The following MNAT1 variants were observed in gnomAD, a reference collection of about 807,000 sequenced individuals.
MNAT1 encodes the protein CDK-activating kinase assembly factor MAT1.
In MNAT1, 43 loss-of-function variants were observed where a neutral mutation model predicts 42.0. The observed-to-expected ratio is 1.02, with a 90% CI of 0.80 to 1.32. The LOEUF is 1.32. MNAT1 is among the 40% of genes most tolerant of loss of function. The pLI, the probability that MNAT1 is intolerant of heterozygous loss-of-function variation, is 0.00. For synonymous variants in MNAT1, 118 were observed against 120.0 expected (o/e 0.98, Z 0.11); for missense variants, 306 against 350.4 (o/e 0.87, Z 1.01).
chr14:60,959,821 C>T (rs1456220406), intron 7 of MNAT1, among the ~76,000 whole-genome samples: 1 of 151,842 alleles, frequency 6.6e-6, no homozygotes, highest in Non-Finnish European at 1.5e-5. Flanking sequence ...TTCTTTATAG[C>T]TTTGTCATAT....
chr14:60,836,187 C>G (rs2033384703), intron 6 of MNAT1, among the ~76,000 whole-genome samples: 1 of 152,112 alleles, frequency 6.6e-6, no homozygotes, highest in Admixed American at 6.5e-5. Context: ...TATCATGCTC[C>G]TTTAGCTCAG....
chr14:60,936,229 G>A (rs936282446), intron 7 of MNAT1, among the ~76,000 whole-genome samples: 4 of 152,028 alleles, frequency 2.6e-5, no homozygotes, highest in African/African-American at 9.7e-5. Context: ...TTTTGTGTGT[G>A]TGCATTTTTT....
intron 4 of MNAT1, among the ~76,000 whole-genome samples, chr14:60,810,981 GCTGT>G (rs1284224159): frequency 1.3e-5 from 2 of 152,064 alleles, no homozygotes; most frequent in Non-Finnish European, 2.9e-5. Context: ...TTACTATATT[GCTGT>G]CTATCTCTCC....
chr14:60,777,631 G>A (rs986575846), intron 1 of MNAT1, among the ~76,000 whole-genome samples: 1 of 151,462 alleles, frequency 6.6e-6, no homozygotes, highest in African/African-American at 2.4e-5. Flanking sequence ...TTTTTGCTTA[G>A]TCCCCCCATT....
chr14:60,843,522 G>A (rs562771420), intron 6 of MNAT1, among the ~76,000 whole-genome samples: 13 of 152,014 alleles, frequency 8.6e-5, no homozygotes, highest in African/African-American at 2.9e-4. Flanking sequence ...CGCCTGTCTC[G>A]GCCTCCCAAA....
chr14:60,818,882 T>C, intron 6 of MNAT1, 35 bp downstream of exon 6: 1 of 1,600,052 alleles, frequency 6.2e-7, no homozygotes, highest in South Asian at 1.1e-5. Flanking sequence ...TTGAAAGATA[T>C]TTTTTCAAGG....
At chr14:60,879,027 C>T (rs796342393) in intron 6 of MNAT1, among the ~76,000 whole-genome samples, 16 of 152,052 alleles carry the variant, frequency 1.1e-4, no homozygotes, top group African/African-American at 3.9e-4. Flanking sequence ...TCAATTAGGG[C>T]ATGAACAAGT....
At chr14:60,904,118 G>A (rs1251219482) in intron 7 of MNAT1, among the ~76,000 whole-genome samples, 2 of 152,104 alleles carry the variant, frequency 1.3e-5, no homozygotes, top group African/African-American at 4.8e-5. Flanking sequence ...TGATCCACCC[G>A]CCTTGGCCTC....
intron 6 of MNAT1, among the ~76,000 whole-genome samples, chr14:60,838,780 C>G (rs2033466886): frequency 6.6e-6 from 1 of 152,106 alleles, no homozygotes; most frequent in African/African-American, 2.4e-5. Flanking sequence ...CCCCACTGCC[C>G]CTCCAGGCTT....
chr14:60,923,272 G>A (rs1209529159), intron 7 of MNAT1, among the ~76,000 whole-genome samples: 1 of 152,198 alleles, frequency 6.6e-6, no homozygotes, highest in Non-Finnish European at 1.5e-5. Context: ...AGTAGGGCTA[G>A]AGTGAGACCC....
intron 1 of MNAT1, among the ~76,000 whole-genome samples, chr14:60,772,620 G>T (rs548039392): frequency 6.6e-6 from 1 of 151,140 alleles, no homozygotes; most frequent in African/African-American, 2.4e-5. Context: ...GCCAATTCTT[G>T]GCTTTCCAAA....
intron 7 of MNAT1, among the ~76,000 whole-genome samples, chr14:60,880,803 T>C (rs919009839): frequency 6.6e-6 from 1 of 152,176 alleles, no homozygotes; most frequent in East Asian, 1.9e-4. Flanking sequence ...CTTTATTCTC[T>C]TAAAGTCCTA....
chr14:60,779,277 G>C (rs1246282774), intron 1 of MNAT1, among the ~76,000 whole-genome samples: 1 of 152,122 alleles, frequency 6.6e-6, no homozygotes, highest in Non-Finnish European at 1.5e-5. Flanking sequence ...GCCTAAAAAG[G>C]GCATGGTAAC....
At chr14:60,770,070 A>T (rs187956540) in intron 1 of MNAT1, among the ~76,000 whole-genome samples, 112 of 152,280 alleles carry the variant, frequency 7.4e-4, no homozygotes, top group Admixed American at 2.0e-3. Flanking sequence ...CTGAAATTCT[A>T]TACCCATTAA....
chr14:60,762,423 T>C (rs2030639100), intron 1 of MNAT1, among the ~76,000 whole-genome samples: 1 of 152,072 alleles, frequency 6.6e-6, no homozygotes. Context: ...CTCACACCTG[T>C]AATCCCAGCA....
intron 6 of MNAT1, among the ~76,000 whole-genome samples, chr14:60,836,696 C>G (rs543622388): frequency 3.8e-4 from 58 of 152,166 alleles, no homozygotes; most frequent in Non-Finnish European, 7.2e-4. Flanking sequence ...GAGGTGTCTC[C>G]CAATCAGGAG....
intron 1 of MNAT1, among the ~76,000 whole-genome samples, chr14:60,751,808 C>T (rs1479387446): frequency 2.0e-5 from 3 of 151,420 alleles, no homozygotes; most frequent in Non-Finnish European, 4.4e-5. Flanking sequence ...TGATTGTATA[C>T]CTCACTCAGT....
chr14:60,925,373 A>G (rs1464482812), intron 7 of MNAT1, among the ~76,000 whole-genome samples: 1 of 152,186 alleles, frequency 6.6e-6, no homozygotes, highest in Non-Finnish European at 1.5e-5. Flanking sequence ...GGGTTCTGGA[A>G]GCAATCCCCC....
chr14:60,880,375 A>T (rs1317410939), intron 7 of MNAT1, among the ~76,000 whole-genome samples: 1 of 152,118 alleles, frequency 6.6e-6, no homozygotes, highest in African/African-American at 2.4e-5. Context: ...GGATGGAGAG[A>T]TGGTTATAGT....
Sources: gnomAD v4.1 joint callset for allele counts (sites outside exome capture counted in the v4.1 genomes callset) on GRCh38, gnomAD v4.1.1 for gene constraint, MANE v1.5 for transcripts, NCBI Gene and HGNC (gene_info 2026-07-23, HGNC 2026-07-21) for gene names.